The following HS3ST4 variants were observed in gnomAD, a reference collection of about 807,000 sequenced individuals.
HS3ST4 encodes the protein heparan sulfate glucosamine 3-O-sulfotransferase 4.
In HS3ST4, 17 loss-of-function variants were observed where a neutral mutation model predicts 29.2. The observed-to-expected ratio is 0.58, with a 90% CI of 0.40 to 0.87. The LOEUF (loss-of-function observed/expected upper bound fraction) is 0.87, where lower values mean the gene tolerates loss of function less well. Ranked by LOEUF, HS3ST4 falls within the 40% of genes least tolerant of loss-of-function variation. HS3ST4 has a pLI of 0.00. For missense variants in HS3ST4, 627 were observed against 634.5 expected (o/e 0.99, Z 0.13); for synonymous variants, 314 against 285.7 (o/e 1.10, Z -1.00).
At chr16:25,812,804 C>T (rs942620482) in intron 1 of HS3ST4, among the ~76,000 whole-genome samples, 28 of 151,984 alleles carry the variant, frequency 1.8e-4, no homozygotes, top group African/African-American at 5.3e-4. Context: ...TAGTCTCAAG[C>T]GATCCCTCCA....
intron 1 of HS3ST4, among the ~76,000 whole-genome samples, chr16:26,114,193 C>A (rs542404769): frequency 6.6e-6 from 1 of 152,086 alleles, no homozygotes; most frequent in Non-Finnish European, 1.5e-5. Flanking sequence ...TAAAACACAC[C>A]GGGCTCCTTG....
At chr16:26,076,166 A>G (rs1663333036) in intron 1 of HS3ST4, among the ~76,000 whole-genome samples, 1 of 152,238 alleles carries the variant, frequency 6.6e-6, no homozygotes, top group Non-Finnish European at 1.5e-5. Context: ...ACTTGAAGGT[A>G]CAGATGATAT....
chr16:25,978,669 T>G (rs8063351), intron 1 of HS3ST4, among the ~76,000 whole-genome samples: 1 of 152,162 alleles, frequency 6.6e-6, no homozygotes, highest in African/African-American at 2.4e-5. Flanking sequence ...TAAAAGTTAC[T>G]GTCTTCTTTA....
intron 1 of HS3ST4, among the ~76,000 whole-genome samples, chr16:25,814,757 C>A (rs1967076743): frequency 6.6e-6 from 1 of 152,202 alleles, no homozygotes; most frequent in African/African-American, 2.4e-5. Flanking sequence ...CACCATGGTA[C>A]CCCATCTTTT....
chr16:26,080,754 G>C (rs1898714620), intron 1 of HS3ST4, among the ~76,000 whole-genome samples: 1 of 152,080 alleles, frequency 6.6e-6, no homozygotes, highest in Non-Finnish European at 1.5e-5. Context: ...CCTCCATTTT[G>C]CATAAACCCA....
At chr16:26,057,890 C>T (rs903106392) in intron 1 of HS3ST4, among the ~76,000 whole-genome samples, 1 of 152,092 alleles carries the variant, frequency 6.6e-6, no homozygotes. Flanking sequence ...GTAAAGCCTC[C>T]CTCTTACTGT....
chr16:25,857,936 C>CTT lies in HS3ST4; in HGVS notation c.734+164787_734+164788dup, dbSNP rs1377062471. On this transcript the variant is annotated intron_variant, in intron 1 of 1. Transcript: ENST00000331351. ...CCTTCCTTCCTTTCTTTCTTTCTTT[C>CTT]TTTCTTTCTTTCTTTCTTTCTTTCT... Among the ~76,000 whole-genome samples the CTT allele has an allele frequency of 4.0e-3, 204 of 50,514 alleles. 2 individuals are homozygous for CTT. Among genetic ancestry groups the CTT allele is most frequent in the African/African-American group, 0.022 (201 of 9,130 alleles). 33.1% of individuals were successfully genotyped at this position (50,514 alleles called of 152,430 possible).
At chr16:25,815,225 T>C (rs898635795) in intron 1 of HS3ST4, among the ~76,000 whole-genome samples, 2 of 152,208 alleles carry the variant, frequency 1.3e-5, no homozygotes, top group African/African-American at 4.8e-5. Context: ...TTGCTTAATC[T>C]CACCCATGTG....
chr16:25,897,114 G>T (rs1968074020), intron 1 of HS3ST4, among the ~76,000 whole-genome samples: 1 of 152,094 alleles, frequency 6.6e-6, no homozygotes, highest in South Asian at 2.1e-4. Context: ...ATATACCTTT[G>T]TAGCACACCT....
At chr16:25,765,793 G>T (rs1442690416) in intron 1 of HS3ST4, among the ~76,000 whole-genome samples, 1 of 152,062 alleles carries the variant, frequency 6.6e-6, no homozygotes, top group African/African-American at 2.4e-5. Context: ...TTTGAGTCAG[G>T]TGCCCCATGT....
At chr16:25,697,532 TG>T (rs1317368442) in intron 1 of HS3ST4, among the ~76,000 whole-genome samples, 4 of 152,252 alleles carry the variant, frequency 2.6e-5, no homozygotes, top group African/African-American at 9.6e-5. Context: ...CTTTTCAATG[TG>T]GCTACTAGAA....
At chr16:26,132,396 A>G (rs929314889) in intron 1 of HS3ST4, among the ~76,000 whole-genome samples, 4 of 152,184 alleles carry the variant, frequency 2.6e-5, no homozygotes, top group East Asian at 1.9e-4. Context: ...CTCCTAAAGT[A>G]TATACTTTTC....
intron 1 of HS3ST4, among the ~76,000 whole-genome samples, chr16:26,103,476 G>A (rs79413565): frequency 0.025 from 3,749 of 152,154 alleles, 168 homozygotes; most frequent in African/African-American, 0.084. Context: ...ATGTGTGTGT[G>A]GTAAACTCCC....
At chr16:25,775,286 A>C (rs1408400242) in intron 1 of HS3ST4, among the ~76,000 whole-genome samples, 1 of 152,198 alleles carries the variant, frequency 6.6e-6, no homozygotes, top group Non-Finnish European at 1.5e-5. Flanking sequence ...TGTCTGCAGG[A>C]TGAGCAGCTG....
intron 1 of HS3ST4, among the ~76,000 whole-genome samples, chr16:25,873,658 GTCCATCCATCCATCCATCCA>G (rs748088571): frequency 7.1e-5 from 6 of 84,546 alleles, no homozygotes; most frequent in African/African-American, 1.2e-4. Context: ...CCATCCGTCC[GTCCATCCATCCATCCATCCA>G]TCCATCCATC....
chr16:25,900,913 T>C (rs1312354238), intron 1 of HS3ST4, among the ~76,000 whole-genome samples: 1 of 152,190 alleles, frequency 6.6e-6, no homozygotes, highest in African/African-American at 2.4e-5. Context: ...CTAGATGCCA[T>C]GTTCTTCCTA....
chr16:25,911,907 TAA>T (rs1968244440), intron 1 of HS3ST4, among the ~76,000 whole-genome samples: 1 of 152,108 alleles, frequency 6.6e-6, no homozygotes, highest in African/African-American at 2.4e-5. Flanking sequence ...ATGTATTGAA[TAA>T]GAGTGAGTGA....
At chr16:26,066,177 CGACATGAACACCT>C (rs1898539947) in intron 1 of HS3ST4, among the ~76,000 whole-genome samples, 1 of 152,076 alleles carries the variant, frequency 6.6e-6, no homozygotes, top group Non-Finnish European at 1.5e-5. Context: ...GATTTGCTTA[CGACATGAACACCT>C]GTATGTGGGG....
chr16:25,845,123 G>C (rs1048102853), intron 1 of HS3ST4, among the ~76,000 whole-genome samples: 3 of 152,138 alleles, frequency 2.0e-5, no homozygotes, highest in African/African-American at 7.2e-5. Flanking sequence ...GTGATGGGTT[G>C]ATAGGTGCAG....
Sources: gnomAD v4.1 joint callset for allele counts (sites outside exome capture counted in the v4.1 genomes callset) on GRCh38, gnomAD v4.1.1 for gene constraint, MANE v1.5 for transcripts, NCBI Gene and HGNC (gene_info 2026-07-23, HGNC 2026-07-21) for gene names.